Variants in AFF3 observed in about 807,000 individuals in gnomAD.
The protein encoded by AFF3 is ALF transcription elongation factor 3.
Under a neutral mutation model 129.7 loss-of-function variants are expected in AFF3, and 32 were observed. That is an observed-to-expected ratio of 0.25 (90% CI 0.19 to 0.33). The LOEUF (loss-of-function observed/expected upper bound fraction) is 0.33. Among genes scored for constraint, AFF3 ranks in the 10% least tolerant of loss-of-function variants. AFF3 has a pLI of 1.00. For missense variants in AFF3, 1,373 were observed against 1,592.0 expected, an observed-to-expected ratio of 0.86 and a Z score of 2.34; for synonymous variants, 644 against 635.4, an observed-to-expected ratio of 1.01 and a Z score of -0.20.
At chr2:100,005,236 A>T (rs1015848141) in intron 7 of AFF3, among the ~76,000 whole-genome samples, 1 of 152,168 alleles carries the variant, frequency 6.6e-6, no homozygotes, top group Non-Finnish European at 1.5e-5. Flanking sequence ...GCAATCAAAA[A>T]TTCATCTTTT....
At chr2:99,736,981 C>A (rs568349433) in intron 10 of AFF3, among the ~76,000 whole-genome samples, 2 of 152,240 alleles carry the variant, frequency 1.3e-5, no homozygotes, top group South Asian at 4.1e-4. Flanking sequence ...TTCTTCAATT[C>A]TTTTGGATTA....
chr2:99,899,198 C>T (rs1194000029), intron 7 of AFF3, among the ~76,000 whole-genome samples: 4 of 152,198 alleles, frequency 2.6e-5, no homozygotes, highest in African/African-American at 7.2e-5. Context: ...CCTACTTTCA[C>T]GCCACATTCA....
chr2:99,745,261 T>A (rs1681058507), intron 9 of AFF3, among the ~76,000 whole-genome samples: 1 of 152,188 alleles, frequency 6.6e-6, no homozygotes, highest in Non-Finnish European at 1.5e-5. Flanking sequence ...TTGATATAGT[T>A]TGGATACTAG....
At chr2:100,017,129 G>A (rs749603561) in intron 4 of AFF3, among the ~76,000 whole-genome samples, 5 of 152,076 alleles carry the variant, frequency 3.3e-5, no homozygotes, top group Non-Finnish European at 5.9e-5. Context: ...GTTGAGGAGT[G>A]AGAAACAGTC....
At chr2:99,926,118 T>G (rs1235466539) in intron 7 of AFF3, among the ~76,000 whole-genome samples, 1 of 152,226 alleles carries the variant, frequency 6.6e-6, no homozygotes, top group Non-Finnish European at 1.5e-5. Flanking sequence ...CAGTCATCAG[T>G]ACTCATGCAA....
chr2:100,048,862 T>C (rs887974495), intron 4 of AFF3, among the ~76,000 whole-genome samples: 2 of 152,226 alleles, frequency 1.3e-5, no homozygotes, highest in African/African-American at 4.8e-5. Context: ...TCAAATCCTA[T>C]TTTATCAAAT....
At chr2:99,971,614 T>C (rs1259079933) in intron 7 of AFF3, among the ~76,000 whole-genome samples, 1 of 152,242 alleles carries the variant, frequency 6.6e-6, no homozygotes, top group Non-Finnish European at 1.5e-5. Flanking sequence ...ATTCACACTG[T>C]GCAGTCCACT....
rs186033227 is a variant in AFF3, at chr2:99,692,556, C to T, written c.1092-19967G>A. On this transcript the variant is annotated intron_variant, in intron 11 of 24. Coordinates refer to ENST00000672756, the MANE Select transcript of AFF3 (RefSeq NM_001386135.1). ...GAGCAGTGAGCCTCATCCCATGGTGCTGCATGCTGGGCTCCCACCTGCAAT... is the reference window on the plus strand; with the variant it reads ...GAGCAGTGAGCCTCATCCCATGGTGTTGCATGCTGGGCTCCCACCTGCAAT... Among the ~76,000 whole-genome samples, 4 of 152,216 alleles carry T rather than the reference C, an allele frequency of 2.6e-5. No homozygotes were observed. The East Asian group carries it at 5.8e-4, about 22-fold the overall frequency.
chr2:100,135,984 T>C (rs1692625837), intron 1 of AFF3, among the ~76,000 whole-genome samples: 1 of 152,058 alleles, frequency 6.6e-6, no homozygotes, highest in African/African-American at 2.4e-5. Flanking sequence ...AGGAAAGAAG[T>C]GAAGGATGGC....
At chr2:99,620,734 G>A (rs1681917752) in intron 13 of AFF3, among the ~76,000 whole-genome samples, 1 of 152,212 alleles carries the variant, frequency 6.6e-6, no homozygotes, top group Admixed American at 6.5e-5. Flanking sequence ...CTAGTGGGAG[G>A]TGTTTGGGTC....
At chr2:99,694,484 G>A (rs1675988840) in intron 11 of AFF3, among the ~76,000 whole-genome samples, 1 of 152,126 alleles carries the variant, frequency 6.6e-6, no homozygotes, top group Non-Finnish European at 1.5e-5. Context: ...AGAAGCCAGG[G>A]TGGCTGAGGG....
chr2:99,968,638 C>A (rs1678028416), intron 7 of AFF3, among the ~76,000 whole-genome samples: 1 of 152,102 alleles, frequency 6.6e-6, no homozygotes, highest in Non-Finnish European at 1.5e-5. Flanking sequence ...ATTTAGCATG[C>A]AGGAACATCA....
At chr2:99,671,479 C>T (rs2030693) in intron 12 of AFF3, among the ~76,000 whole-genome samples, 129,825 of 152,158 alleles carry the variant, frequency 0.85, 55,527 homozygotes, top group East Asian at 0.92. Context: ...GTAACCTCTT[C>T]TGTGACCTCA....
intron 17 of AFF3, among the ~76,000 whole-genome samples, chr2:99,582,565 A>G (rs1203359825): frequency 6.6e-6 from 1 of 152,214 alleles, no homozygotes. Flanking sequence ...GAAAAATAAA[A>G]TCTTGCCTAA....
chr2:99,800,494 C>T (rs537190108), intron 8 of AFF3, among the ~76,000 whole-genome samples: 2 of 152,274 alleles, frequency 1.3e-5, no homozygotes, highest in East Asian at 3.9e-4. Context: ...CTTTGGAGAA[C>T]AGTTTAGTGG....
intron 8 of AFF3, among the ~76,000 whole-genome samples, chr2:99,821,490 A>AAAAGAAAG (rs1687679608): frequency 6.6e-6 from 1 of 150,956 alleles, no homozygotes. Context: ...AAAAAAGAAA[A>AAAAGAAAG]AAAGAAAATA....
chr2:99,851,560 G>A (rs1438457523), intron 7 of AFF3, among the ~76,000 whole-genome samples: 1 of 152,192 alleles, frequency 6.6e-6, no homozygotes, highest in Non-Finnish European at 1.5e-5. Flanking sequence ...GAGGCTCAGA[G>A]GTGGGAAACA....
chr2:100,061,300 T>C (rs923654337), intron 4 of AFF3, among the ~76,000 whole-genome samples: 1 of 152,186 alleles, frequency 6.6e-6, no homozygotes, highest in African/African-American at 2.4e-5. Flanking sequence ...TTATTTTTAA[T>C]GATGGTTAAT....
At chr2:99,677,156 G>A (rs1674028106) in intron 11 of AFF3, among the ~76,000 whole-genome samples, 1 of 150,702 alleles carries the variant, frequency 6.6e-6, no homozygotes, top group Non-Finnish European at 1.5e-5. Flanking sequence ...TGTAAACCCA[G>A]CTACTAGGGA....
Sources: allele counts gnomAD v4.1 joint callset (sites outside exome capture counted in the v4.1 genomes callset), GRCh38; gene constraint gnomAD v4.1.1; transcripts MANE v1.5; gene names NCBI Gene and HGNC (gene_info 2026-07-23, HGNC 2026-07-21).